The following MTMR14 variants were observed in gnomAD, a reference collection of about 807,000 sequenced individuals.
MTMR14 encodes myotubularin related protein 14.
Under a neutral mutation model 86.3 loss-of-function variants are expected in MTMR14, and 48 were observed. The observed-to-expected ratio is 0.56, with a 90% confidence interval of 0.44 to 0.71. The LOEUF (loss-of-function observed/expected upper bound fraction) is 0.71, where lower values mean the gene tolerates loss of function less well. MTMR14 is among the 30% of genes least tolerant of loss of function. MTMR14 has a pLI of 0.00. For synonymous variants in MTMR14, 366 were observed against 326.1 expected, an observed-to-expected ratio of 1.12 and a Z score of -1.32; for missense variants, 780 against 834.6, an observed-to-expected ratio of 0.93 and a Z score of 0.81.
Position 9,684,968 on chromosome 3 carries a change from A to C in MTMR14, c.1127+4A>C. The C allele has an allele frequency of 6.2e-7, 1 of 1,614,002 alleles. No individual in the cohort carries two copies. Among genetic ancestry groups the C allele is most frequent in the Non-Finnish European group, 8.5e-7 (1 of 1,179,944 alleles). ...CCTATGACTGGTTCCTCTTCGGGTAAGCCTTTGCAGGAGTTGGGTTTTGGG... is the reference window on the plus strand; with the variant it reads ...CCTATGACTGGTTCCTCTTCGGGTACGCCTTTGCAGGAGTTGGGTTTTGGG... On this transcript the variant is annotated splice_donor_region_variant and intron_variant, in intron 12 of 18. Transcript: ENST00000296003.
At chr3:9,660,415 C>T (rs754570304) in intron 2 of MTMR14, among the ~76,000 whole-genome samples, 5 of 152,074 alleles carry the variant, frequency 3.3e-5, no homozygotes, top group South Asian at 2.1e-4. Flanking sequence ...CGCGCCACCA[C>T]GCCAGGCTAA....
At chr3:9,697,610 C>T in intron 17 of MTMR14, 101 bp from the exon 18 acceptor site, 1 of 1,348,568 alleles carries the variant, frequency 7.4e-7, no homozygotes, top group Admixed American at 2.1e-5. Context: ...GACAACAGAA[C>T]CTAGCAGCCA....
In MTMR14 at chr3:9,680,915, C is replaced by T. The variant is rs557113491; in HGVS notation, c.898-2263C>T. Among the ~76,000 whole-genome samples, 7 of 152,348 alleles carry T rather than the reference C, an allele frequency of 4.6e-5. No homozygotes were observed. In the East Asian group the frequency reaches 7.7e-4, roughly 17 times the overall value. On this transcript the variant is annotated intron_variant, in intron 9 of 18. Transcript: ENST00000296003. ...CGTGCTGTTTTCTCTGCCAGAAACA[C>T]GTGTCTCCTTTCTCTGTTGCTTATG... is the stretch of plus-strand genomic sequence containing the variant.
chr3:9,664,185 C>G (rs1221135987), intron 3 of MTMR14, among the ~76,000 whole-genome samples: 2 of 151,308 alleles, frequency 1.3e-5, no homozygotes, highest in Non-Finnish European at 2.9e-5. Context: ...CATAGAATAG[C>G]AGTTTAAGGA....
chr3:9,662,457 C>T (rs2047997220), intron 3 of MTMR14, 82 bp downstream of exon 3: 1 of 1,158,144 alleles, frequency 8.6e-7, no homozygotes, highest in South Asian at 1.3e-5. Flanking sequence ...GTCTTTTTTT[C>T]CCTCAACATT....
At chr3:9,694,897 A>G (rs1034515936) in intron 17 of MTMR14, among the ~76,000 whole-genome samples, 16 of 152,286 alleles carry the variant, frequency 1.1e-4, no homozygotes, top group Middle Eastern at 3.4e-3. Context: ...GCATCCAACT[A>G]AGGAAGTGAA....
intron 2 of MTMR14, among the ~76,000 whole-genome samples, chr3:9,658,153 A>G (rs149140949): frequency 6.6e-6 from 1 of 152,312 alleles, no homozygotes; most frequent in East Asian, 1.9e-4. Flanking sequence ...TGCTTGTTGA[A>G]AGGGGGGACT....
rs992405712 is a variant in MTMR14 at position 9,701,458 on chromosome 3, G to T, written c.1770-332G>T. ...GGCTGAGGTGGGAGGATGGCTTGAG[G>T]CTACAGTGAGCGCTGATTGTGTCAC... On this transcript the variant is annotated intron_variant, in intron 18 of 18. Transcript: ENST00000296003. The surrounding 1 kb of genome is among the most constrained non-coding windows in gnomAD (Gnocchi z 4.2). 6.0e-6 allele frequency: 2 copies of T among 335,324 alleles called. No individual in the cohort carries two copies. The highest frequency in any genetic ancestry group is 5.5e-6 in the Non-Finnish European group (1 of 182,808). 20.8% of individuals were successfully genotyped at this position (335,324 alleles called of 1,614,324 possible).
intron 1 of MTMR14, among the ~76,000 whole-genome samples, chr3:9,653,252 A>C (rs1574917970): frequency 6.6e-6 from 1 of 152,322 alleles, no homozygotes; most frequent in East Asian, 1.9e-4. Context: ...AAATAAGAGA[A>C]TGGGGAAGCT....
chr3:9,688,877 T>C (rs2076049587), intron 15 of MTMR14, 67 bp from the exon 16 acceptor site: 4 of 1,609,778 alleles, frequency 2.5e-6, no homozygotes, highest in African/African-American at 1.3e-5. Context: ...TTATGTGGTA[T>C]AGAAAAGGTG....
Position 9,649,538 on chromosome 3 carries a change from G to T in MTMR14, c.-46G>T, listed in dbSNP as rs890789614. ...GTGTCGGAGTTGGGTGCAGGCAGGTGCCATGGGCCCGCTTGAGGCACACTG... is the reference window on the plus strand; with the variant it reads ...GTGTCGGAGTTGGGTGCAGGCAGGTTCCATGGGCCCGCTTGAGGCACACTG... On this transcript the variant is annotated 5_prime_UTR_variant, in exon 1 of 19. Coordinates refer to ENST00000296003, the MANE Select transcript of MTMR14 (RefSeq NM_001077525.3). 5.3e-6 allele frequency: 8 copies of T among 1,514,498 alleles called. 1 individual carries two copies. The East Asian group carries it at 1.7e-4, about 33-fold the overall frequency. 93.8% of individuals were successfully genotyped at this position (1,514,498 alleles called of 1,614,324 possible).
chr3:9,697,924 G>T, intron 18 of MTMR14, 58 bp downstream of exon 18: 1 of 1,608,930 alleles, frequency 6.2e-7, no homozygotes. Context: ...AAGCTGGTGA[G>T]CAGTCAGGAG....
chr3:9,701,544 G>T lies in MTMR14; in HGVS notation c.1770-246G>T. On this transcript the variant is annotated intron_variant, in intron 18 of 18. Transcript: ENST00000296003. The surrounding 1 kb of genome is among the most constrained non-coding windows in gnomAD (Gnocchi z 4.2). Reference sequence around the variant, plus strand: ...CTCAAGAAAAAAAAAAAAAAGGTTAGTGTCCCAGTAAAAGCTCCTGCTCTA... The same window carrying T: ...CTCAAGAAAAAAAAAAAAAAGGTTATTGTCCCAGTAAAAGCTCCTGCTCTA... The T allele has an allele frequency of 7.2e-6, 4 of 557,250 alleles. No homozygotes were observed. The highest frequency in any genetic ancestry group is 9.6e-6 in the Non-Finnish European group (3 of 311,530). The allele number at this position is 557,250 out of a possible 1,614,324, so 34.5% of individuals were successfully genotyped here.
chr3:9,668,629 C>T, intron 3 of MTMR14, 90 bp from the exon 4 acceptor site: 1 of 1,377,262 alleles, frequency 7.3e-7, no homozygotes. Context: ...GTTATGCTGG[C>T]CTGGAAGAGT....
Position 9,668,701 on chromosome 3 carries a change from A to G in MTMR14, c.418-18A>G, listed in dbSNP as rs2048393493. On this transcript the variant is annotated intron_variant, in intron 3 of 18. Coordinates refer to ENST00000296003, the MANE Select transcript of MTMR14 (RefSeq NM_001077525.3). ...TTCAGAAAACCATCTGACCGTGAAAATGATGTTTCTCTCCCAGCACATTTG... is the reference window on the plus strand; with the variant it reads ...TTCAGAAAACCATCTGACCGTGAAAGTGATGTTTCTCTCCCAGCACATTTG... 2 of 1,613,944 alleles carry G rather than the reference A, an allele frequency of 1.2e-6. No homozygotes were observed. The highest frequency in any genetic ancestry group is 1.1e-5 in the South Asian group (1 of 91,076).
At chr3:9,652,306 T>C (rs1427974659) in intron 1 of MTMR14, among the ~76,000 whole-genome samples, 1 of 152,218 alleles carries the variant, frequency 6.6e-6, no homozygotes, top group African/African-American at 2.4e-5. Flanking sequence ...TTATGCCTTT[T>C]TTCTGTTGTG....
intron 18 of MTMR14, chr3:9,699,361 A>AG (rs2076384047): frequency 6.6e-6 from 1 of 152,122 alleles, no homozygotes; most frequent in African/African-American, 2.4e-5. Context: ...TTTAGGCCCC[A>AG]GGCAGCACTC....
At chr3:9,692,679 CTG>C (rs973159990) in intron 17 of MTMR14, among the ~76,000 whole-genome samples, 1 of 152,248 alleles carries the variant, frequency 6.6e-6, no homozygotes, top group Non-Finnish European at 1.5e-5. Context: ...GGTGCCACCA[CTG>C]AGCCCAGCTT....
At chr3:9,663,639 G>A (rs548170186) in intron 3 of MTMR14, among the ~76,000 whole-genome samples, 2 of 148,532 alleles carry the variant, frequency 1.3e-5, no homozygotes, top group Admixed American at 6.8e-5. Context: ...TTAGCCTCCC[G>A]AGTAGCTGGG....
Sources: allele counts gnomAD v4.1 joint callset (sites outside exome capture counted in the v4.1 genomes callset), GRCh38; gene constraint gnomAD v4.1.1; non-coding constraint Gnocchi (gnomAD v3.1); transcripts MANE v1.5; gene names NCBI Gene and HGNC (gene_info 2026-07-23, HGNC 2026-07-21).